Variants in TOM1 observed in about 807,000 individuals in gnomAD.
TOM1 encodes the protein target of myb1 membrane trafficking protein.
TOM1 carries 38 observed loss-of-function variants against 61.3 expected under a neutral mutation model. The ratio of observed to expected loss-of-function variants is 0.62; its 90% CI spans 0.48 to 0.81. The LOEUF (loss-of-function observed/expected upper bound fraction) is 0.81. Among genes scored for constraint, TOM1 ranks in the 40% least tolerant of loss-of-function variants. The pLI, the probability that TOM1 is intolerant of heterozygous loss-of-function variation, is 0.00. For synonymous variants in TOM1, 270 were observed against 268.8 expected, an observed-to-expected ratio of 1.00 and a Z score of -0.04; for missense variants, 591 against 659.6, an observed-to-expected ratio of 0.90 and a Z score of 1.14.
At chr22:35,338,916 G>C in intron 12 of TOM1, 128 bp downstream of exon 12, 1 of 843,470 alleles carries the variant, frequency 1.2e-6, no homozygotes, top group Non-Finnish European at 1.7e-6. Context: ...TCGTTTGGCC[G>C]TCAGGTCGGT....
chr22:35,330,371 A>C lies in TOM1; in HGVS notation c.790A>C (p.Met264Leu). 6.2e-7 allele frequency: 1 copy of C among 1,613,138 alleles called. No individual in the cohort carries two copies. Among genetic ancestry groups the C allele is most frequent in the Non-Finnish European group, 8.5e-7 (1 of 1,179,722 alleles). ...LQELNRTCRAMQQRVLELIPQ... is the reference protein window; with the variant it reads ...LQELNRTCRALQQRVLELIPQ... ...GGAGCTCAACCGCACGTGCCGAGCC[A>C]TGCAGCAGCGGGTCCTGGAGCTCAT... The change falls in exon 8 of 15, where the codon ATG (methionine) becomes CTG (leucine). Residue 264 changes from methionine to leucine, a missense_variant. Met to Leu is a conservative substitution (Grantham distance 15). Coordinates refer to ENST00000449058, the MANE Select transcript of TOM1 (RefSeq NM_005488.3).
intron 7 of TOM1, among the ~76,000 whole-genome samples, chr22:35,329,760 A>G (rs1928653597): frequency 6.6e-6 from 1 of 152,204 alleles, no homozygotes; most frequent in Non-Finnish European, 1.5e-5. Context: ...AGATGGTGGC[A>G]CAACCTTTAT....
At chr22:35,343,151 ACAC>A (rs1311173155) in intron 12 of TOM1, among the ~76,000 whole-genome samples, 45 of 129,510 alleles carry the variant, frequency 3.5e-4, no homozygotes, top group Non-Finnish European at 6.3e-4. Context: ...CACCCACCAC[ACAC>A]ACCTCCACAC....
intron 1 of TOM1, 73 bp from the exon 2 acceptor site, chr22:35,317,804 C>A (rs1288588632): frequency 1.2e-5 from 14 of 1,166,304 alleles, no homozygotes; most frequent in Admixed American, 5.1e-5. Flanking sequence ...CACCCCCCTC[C>A]TCTCCCACCC....
At chr22:35,312,017 G>A (rs1926869608) in intron 1 of TOM1, among the ~76,000 whole-genome samples, 1 of 152,138 alleles carries the variant, frequency 6.6e-6, no homozygotes. Flanking sequence ...CACTTTGGGA[G>A]GCCGAGGCGG....
chr22:35,302,602 G>T (rs1925937198), intron 1 of TOM1, among the ~76,000 whole-genome samples: 2 of 151,954 alleles, frequency 1.3e-5, no homozygotes, highest in Non-Finnish European at 2.9e-5. Flanking sequence ...AAAGTACTGG[G>T]ATTACAGGCA....
chr22:35,334,231 C>G, intron 10 of TOM1, 97 bp from the exon 11 acceptor site: 1 of 1,507,010 alleles, frequency 6.6e-7, no homozygotes, highest in Non-Finnish European at 8.9e-7. Context: ...TGCCACTTCC[C>G]CAGCACCAAG....
At chr22:35,304,547 C>G (rs970860320) in intron 1 of TOM1, among the ~76,000 whole-genome samples, 1 of 152,140 alleles carries the variant, frequency 6.6e-6, no homozygotes, top group Admixed American at 6.5e-5. Flanking sequence ...GGCGCGATCT[C>G]GGCTCACTGC....
At chr22:35,313,234 C>G (rs1031883477) in intron 1 of TOM1, among the ~76,000 whole-genome samples, 6 of 152,004 alleles carry the variant, frequency 3.9e-5, no homozygotes, top group Non-Finnish European at 7.4e-5. Flanking sequence ...GTAATCCCAG[C>G]TACTCGGGAG....
chr22:35,327,162 C>T (rs1312778410), intron 6 of TOM1, 109 bp from the exon 7 acceptor site: 22 of 1,041,176 alleles, frequency 2.1e-5, no homozygotes, highest in Non-Finnish European at 2.9e-5. Flanking sequence ...GCTGGGAGGT[C>T]GGCTCCCTGG....
intron 2 of TOM1, among the ~76,000 whole-genome samples, chr22:35,320,592 TC>T (rs1569025465): frequency 6.6e-6 from 1 of 150,988 alleles, no homozygotes; most frequent in South Asian, 2.1e-4. Context: ...CTGCCCCCAC[TC>T]CCCCCAGGTG....
At chr22:35,300,505 C>G (rs751196335) in intron 1 of TOM1, among the ~76,000 whole-genome samples, 9 of 152,210 alleles carry the variant, frequency 5.9e-5, no homozygotes, top group African/African-American at 1.2e-4. Context: ...GCGGCCAGGC[C>G]TCACAGACCC....
At chr22:35,300,195 A>G (rs1022909203) in intron 1 of TOM1, among the ~76,000 whole-genome samples, 8 of 152,266 alleles carry the variant, frequency 5.3e-5, no homozygotes, top group Non-Finnish European at 1.0e-4. Flanking sequence ...TGTATATGAC[A>G]GCCAGTAGGT....
intron 1 of TOM1, among the ~76,000 whole-genome samples, chr22:35,316,975 G>T (rs1025709492): frequency 6.6e-6 from 1 of 152,078 alleles, no homozygotes; most frequent in African/African-American, 2.4e-5. Context: ...GTACAGGAGG[G>T]CCAGGTGACC....
At chr22:35,313,592 A>AT (rs1927025752) in intron 1 of TOM1, among the ~76,000 whole-genome samples, 1 of 152,212 alleles carries the variant, frequency 6.6e-6, no homozygotes, top group African/African-American at 2.4e-5. Flanking sequence ...AGAGACTCAG[A>AT]GGGGCTGGAT....
At chr22:35,300,062 G>C in intron 1 of TOM1, 82 bp downstream of exon 1, 2 of 1,485,422 alleles carry the variant, frequency 1.3e-6, no homozygotes, top group Non-Finnish European at 9.1e-7. Context: ...CGGGTGCCTA[G>C]TCACGGAGGC....
chr22:35,338,616 G>A, intron 11 of TOM1, 97 bp from the exon 12 acceptor site: 3 of 970,596 alleles, frequency 3.1e-6, no homozygotes, highest in Non-Finnish European at 4.4e-6. Context: ...CAGGCCTGGA[G>A]GATGGGAGCC....
chr22:35,345,880 T>C, intron 13 of TOM1, 96 bp downstream of exon 13: 1 of 1,284,580 alleles, frequency 7.8e-7, no homozygotes. Context: ...ATATAGCATA[T>C]AGCACCCTGA....
chr22:35,335,023 A>G (rs1295256244), intron 11 of TOM1, among the ~76,000 whole-genome samples: 1 of 152,206 alleles, frequency 6.6e-6, no homozygotes, highest in Non-Finnish European at 1.5e-5. Flanking sequence ...TTCCCTGTGC[A>G]CCGTGCATTT....
Sources: gnomAD v4.1 joint callset for allele counts (sites outside exome capture counted in the v4.1 genomes callset) on GRCh38, gnomAD v4.1.1 for gene constraint, MANE v1.5 for transcripts, NCBI Gene and HGNC (gene_info 2026-07-23, HGNC 2026-07-21) for gene names.